Variants in TMOD3 observed in about 807,000 individuals in gnomAD.
TMOD3 encodes the protein tropomodulin 3.
In TMOD3, 20 loss-of-function variants were observed where a neutral mutation model predicts 39.2. The ratio of observed to expected loss-of-function variants is 0.51; its 90% CI spans 0.36 to 0.74. The LOEUF (loss-of-function observed/expected upper bound fraction) is 0.74, where lower values mean the gene tolerates loss of function less well. TMOD3 is among the 30% of genes least tolerant of loss of function. The probability of loss-of-function intolerance (pLI) is 0.00; values close to 1 mark genes in which losing one functional copy is unlikely to be tolerated. For synonymous variants in TMOD3, 143 were observed against 145.8 expected, an observed-to-expected ratio of 0.98 and a Z score of 0.14; for missense variants, 381 against 412.8, an observed-to-expected ratio of 0.92 and a Z score of 0.67.
At chr15:51,869,961 T>C (rs2056466743) in intron 3 of TMOD3, among the ~76,000 whole-genome samples, 1 of 151,952 alleles carries the variant, frequency 6.6e-6, no homozygotes, top group Non-Finnish European at 1.5e-5. Flanking sequence ...TTGTTTGAGA[T>C]GGAGTCTTGC....
At chr15:51,831,235 T>C (rs2056253302) in intron 1 of TMOD3, among the ~76,000 whole-genome samples, 1 of 152,212 alleles carries the variant, frequency 6.6e-6, no homozygotes, top group African/African-American at 2.4e-5. Context: ...TATGATTAAT[T>C]CCTAAATTTT....
At chr15:51,885,122 T>G (rs1410467210) in intron 3 of TMOD3, among the ~76,000 whole-genome samples, 2 of 152,226 alleles carry the variant, frequency 1.3e-5, no homozygotes, top group East Asian at 3.8e-4. Context: ...GTAACCCAAG[T>G]TGTGTGAGTA....
intron 1 of TMOD3, among the ~76,000 whole-genome samples, chr15:51,841,649 G>A (rs2141669712): frequency 6.6e-6 from 1 of 152,268 alleles, no homozygotes; most frequent in African/African-American, 2.4e-5. Context: ...CCAGTCTTAA[G>A]TATTAATTTG....
chr15:51,838,444 G>T lies in TMOD3; in HGVS notation c.-75+8608G>T, dbSNP rs191571482. Among the ~76,000 whole-genome samples, 17 of 152,198 alleles carry T rather than the reference G, an allele frequency of 1.1e-4. No individual in the cohort carries two copies. In the East Asian group the frequency reaches 3.3e-3, roughly 29 times the overall value. On this transcript the variant is annotated intron_variant, in intron 1 of 9. Transcript: ENST00000308580. Reference sequence around the variant, plus strand: ...AAGCTATCTTGCTAGATGGTATGGTGGCAGAGCTGGGAGTTGTACTGCATT... The same window carrying T: ...AAGCTATCTTGCTAGATGGTATGGTTGCAGAGCTGGGAGTTGTACTGCATT...
At chr15:51,870,999 G>C (rs2056472041) in intron 3 of TMOD3, among the ~76,000 whole-genome samples, 1 of 151,998 alleles carries the variant, frequency 6.6e-6, no homozygotes, top group African/African-American at 2.4e-5. Context: ...GAGGTTAATT[G>C]GCTTTACTTA....
chr15:51,886,949 T>C (rs1488914092), intron 3 of TMOD3, among the ~76,000 whole-genome samples: 1 of 152,126 alleles, frequency 6.6e-6, no homozygotes, highest in Non-Finnish European at 1.5e-5. Flanking sequence ...CCAGGTGCGG[T>C]AGCTTACATC....
Position 51,862,890 on chromosome 15 carries a change from A to G in TMOD3, c.6A>G (p.Ala2=), listed in dbSNP as rs2056426079. The change falls in exon 2 of 10, where the codon GCA becomes GCG. Residue 2 remains alanine, a synonymous_variant. Transcript: ENST00000308580. ...GACTTGCTGCCCTGCACATCATGGC[A>G]CTGCCATTCCGTAAGGACTTAGAAA... M[A]LPFRKDLEKY... is the part of the protein sequence containing the mutation. The G allele has an allele frequency of 1.2e-6, 2 of 1,613,484 alleles. No individual in the cohort carries two copies.
chr15:51,858,929 C>T (rs983481307), intron 1 of TMOD3, among the ~76,000 whole-genome samples: 3 of 152,092 alleles, frequency 2.0e-5, no homozygotes, highest in Admixed American at 6.5e-5. Context: ...CCCAGCTACT[C>T]GGGAGTCTGA....
rs960024511 is a variant in TMOD3 at position 51,900,366 on chromosome 15, C to T, written c.879+68C>T. The T allele has an allele frequency of 1.3e-5, 21 of 1,569,484 alleles. No individual in the cohort carries two copies. In the African/African-American group the frequency reaches 2.2e-4, roughly 16 times the overall value. The stretch of plus-strand genomic sequence containing the variant: ...CGCTGCTGTGTAGGGCTTGGCGACT[C>T]AGGATGGGGATGGGAGGCGGGCTGT... On this transcript the variant is annotated intron_variant, in intron 8 of 9. Transcript: ENST00000308580.
In TMOD3 at chr15:51,869,498, A is replaced by G; in HGVS notation, c.283+125A>G. 5.7e-6 allele frequency: 5 copies of G among 880,458 alleles called. No homozygotes were observed. In the South Asian group the frequency reaches 8.6e-5, roughly 15 times the overall value. 54.5% of individuals were successfully genotyped at this position (880,458 alleles called of 1,614,324 possible). On this transcript the variant is annotated intron_variant, in intron 3 of 9. Coordinates refer to ENST00000308580, the MANE Select transcript of TMOD3 (RefSeq NM_014547.5). ...TAGCCTTAAATATATGATACTGTTG[A>G]CTTAGACATTTATTGGTTTAGATAC... is the stretch of plus-strand genomic sequence containing the variant.
chr15:51,856,020 T>C (rs906022698), intron 1 of TMOD3, among the ~76,000 whole-genome samples: 5 of 152,184 alleles, frequency 3.3e-5, no homozygotes, highest in Non-Finnish European at 5.9e-5. Context: ...CCCAGCACTT[T>C]AGGAGGTCGA....
intron 3 of TMOD3, among the ~76,000 whole-genome samples, chr15:51,874,248 GT>G (rs1253118794): frequency 1.3e-5 from 2 of 152,118 alleles, no homozygotes; most frequent in Admixed American, 1.3e-4. Context: ...GTTATTATAT[GT>G]AAATCCATTA....
intron 2 of TMOD3, among the ~76,000 whole-genome samples, chr15:51,868,077 C>T (rs1041306213): frequency 6.6e-5 from 10 of 152,138 alleles, no homozygotes; most frequent in East Asian, 1.9e-4. Flanking sequence ...TATATATGTA[C>T]GCATACACAC....
At chr15:51,888,074 A>G (rs988827175) in intron 4 of TMOD3, among the ~76,000 whole-genome samples, 9 of 152,246 alleles carry the variant, frequency 5.9e-5, no homozygotes, top group Non-Finnish European at 8.8e-5. Context: ...CTACTTTATC[A>G]GAAGACCGAG....
At chr15:51,870,944 CT>C (rs1178993465) in intron 3 of TMOD3, among the ~76,000 whole-genome samples, 4 of 152,094 alleles carry the variant, frequency 2.6e-5, no homozygotes, top group African/African-American at 9.7e-5. Context: ...AATCTTTGTT[CT>C]TTTAAGGCCT....
At chr15:51,846,152 C>CA (rs139987097) in intron 1 of TMOD3, among the ~76,000 whole-genome samples, 9,199 of 140,608 alleles carry the variant, frequency 0.065, 801 homozygotes, top group African/African-American at 0.17. Flanking sequence ...CCCATTTCTA[C>CA]CAAAAAAAAA....
intron 3 of TMOD3, among the ~76,000 whole-genome samples, chr15:51,871,781 GTCC>G (rs59562957): frequency 0.033 from 5,095 of 152,252 alleles, 284 homozygotes; most frequent in African/African-American, 0.12. Flanking sequence ...GAATATCTTT[GTCC>G]TCCTATGTAT....
At chr15:51,902,308 A>T (rs1431351193) in intron 9 of TMOD3, among the ~76,000 whole-genome samples, 1 of 152,246 alleles carries the variant, frequency 6.6e-6, no homozygotes, top group Non-Finnish European at 1.5e-5. Context: ...GTTCTCAGTT[A>T]CAGATCAGTC....
chr15:51,908,753 A>C (rs2141713179), intron 9 of TMOD3, 23 bp from the exon 10 acceptor site: 1 of 1,584,004 alleles, frequency 6.3e-7, no homozygotes, highest in East Asian at 2.3e-5. Context: ...TTTCTAACAT[A>C]GTTTCTTTTA....
Sources: gnomAD v4.1 joint callset for allele counts (sites outside exome capture counted in the v4.1 genomes callset) on GRCh38, gnomAD v4.1.1 for gene constraint, MANE v1.5 for transcripts, NCBI Gene and HGNC (gene_info 2026-07-23, HGNC 2026-07-21) for gene names.